MCF2L: variants seen among roughly 807,000 people sequenced by gnomAD.
MCF2L encodes MCF.2 cell line derived transforming sequence like, also known as guanine nucleotide exchange factor DBS.
In MCF2L, 97 loss-of-function variants were observed where a neutral mutation model predicts 153.4. That is an observed-to-expected ratio of 0.63 (90% CI 0.54 to 0.75). The LOEUF (loss-of-function observed/expected upper bound fraction) is 0.75, where lower values mean the gene tolerates loss of function less well. Among genes scored for constraint, MCF2L ranks in the 30% least tolerant of loss-of-function variants. The probability of loss-of-function intolerance (pLI) is 0.00; values close to 1 mark genes in which losing one functional copy is unlikely to be tolerated. For missense variants in MCF2L, 1,347 were observed against 1,495.2 expected, an observed-to-expected ratio of 0.90 and a Z score of 1.64; for synonymous variants, 659 against 632.2, an observed-to-expected ratio of 1.04 and a Z score of -0.64.
At chr13:112,916,481 G>A (rs576278672) in intron 2 of MCF2L, among the ~76,000 whole-genome samples, 24 of 152,204 alleles carry the variant, frequency 1.6e-4, no homozygotes, top group South Asian at 4.2e-4. Context: ...CCGCACGTCC[G>A]CGCTCTCGCG....
At chr13:112,990,946 C>A (rs905697805) in intron 1 of MCF2L, among the ~76,000 whole-genome samples, 1 of 152,264 alleles carries the variant, frequency 6.6e-6, no homozygotes, top group Non-Finnish European at 1.5e-5. Flanking sequence ...CCTGAGCCAC[C>A]ACCCTGCAGC....
upstream of MCF2L, chr13:112,968,842 G>A (rs531546628): frequency 2.0e-5 from 24 of 1,195,938 alleles, no homozygotes; most frequent in African/African-American, 1.8e-4. Flanking sequence ...AAGGGCGGGG[G>A]CACTTGTGCG....
chr13:112,972,881 G>A, intron 1 of MCF2L, among the ~76,000 whole-genome samples: 1 of 68,628 alleles, frequency 1.5e-5, no homozygotes, highest in Non-Finnish European at 3.3e-5. Flanking sequence ...GCTGTGTGCT[G>A]CCTCCTGTCC....
chr13:112,939,524 A>G (rs577928594), intron 2 of MCF2L, among the ~76,000 whole-genome samples: 19 of 152,154 alleles, frequency 1.2e-4, no homozygotes, highest in Non-Finnish European at 2.5e-4. Flanking sequence ...CATACTCTCC[A>G]GGGATGTCTT....
At chr13:112,954,633 G>A (rs979413365) in intron 2 of MCF2L, among the ~76,000 whole-genome samples, 1 of 152,128 alleles carries the variant, frequency 6.6e-6, no homozygotes, top group South Asian at 2.1e-4. Flanking sequence ...ACTGGCTCCC[G>A]AGGGGGCATG....
rs2086787183 is a variant in MCF2L, at chr13:113,045,974, C to G, written c.369+613C>G. The stretch of plus-strand genomic sequence containing the variant: ...CGCCTCCCTTCCCCAGTAACCCAGC[C>G]TCGCATGTAGCCACCCTCCTTTCCA... On this transcript the variant is annotated intron_variant, in intron 4 of 29. Coordinates refer to ENST00000535094, the MANE Select transcript of MCF2L (RefSeq NM_001112732.3). The surrounding 1 kb of genome is among the most constrained non-coding windows in gnomAD (Gnocchi z 4.2). 1 of 156,956 alleles carries G rather than the reference C, an allele frequency of 6.4e-6. No individual in the cohort carries two copies. Among genetic ancestry groups the G allele is most frequent in the African/African-American group, 2.4e-5 (1 of 41,468 alleles). 9.7% of individuals were successfully genotyped at this position (156,956 alleles called of 1,614,324 possible).
rs947563962 is a variant in MCF2L, at chr13:113,066,278, G to A, written c.881+108G>A. On this transcript the variant is annotated intron_variant, in intron 8 of 29. Transcript: ENST00000535094. ...ACAGGCCACGGAAATAGCAAGCAGC[G>A]TGGCAGGCAACCCCACTCCTGGCCA... 2.5e-5 allele frequency: 34 copies of A among 1,352,282 alleles called. No homozygotes were observed. In the Admixed American group the frequency reaches 3.0e-4, roughly 12 times the overall value. The allele number at this position is 1,352,282 out of a possible 1,614,324, so 83.8% of individuals were successfully genotyped here. A position where few individuals can be genotyped will look rare whatever the true frequency, so the allele number is the denominator to read the frequency against.
intron 21 of MCF2L, 49 bp from the exon 22 acceptor site, chr13:113,087,186 G>T (rs1230957608): frequency 6.6e-7 from 1 of 1,513,710 alleles, no homozygotes; most frequent in Admixed American, 1.8e-5. Flanking sequence ...CGCGTCCATG[G>T]CCCCAGGCCC....
chr13:113,061,730 C>G (rs1166968077), intron 5 of MCF2L, among the ~76,000 whole-genome samples: 1 of 72,614 alleles, frequency 1.4e-5, no homozygotes, highest in Non-Finnish European at 2.9e-5. Context: ...CCCTTGCCCT[C>G]CCCTCCCTCT....
chr13:113,022,862 T>A (rs573199352), intron 2 of MCF2L, among the ~76,000 whole-genome samples: 1 of 152,002 alleles, frequency 6.6e-6, no homozygotes, highest in African/African-American at 2.4e-5. Context: ...CATTGGGATC[T>A]GAGGAATTTT....
intron 1 of MCF2L, among the ~76,000 whole-genome samples, chr13:112,990,862 G>T (rs2082869214): frequency 6.6e-6 from 1 of 151,894 alleles, no homozygotes; most frequent in Non-Finnish European, 1.5e-5. Context: ...GGGGTAAGGA[G>T]AACTGGCGTG....
chr13:112,924,753 C>A (rs1409572386), intron 2 of MCF2L, among the ~76,000 whole-genome samples: 2 of 152,192 alleles, frequency 1.3e-5, no homozygotes, highest in African/African-American at 4.8e-5. Context: ...ATAAAACCCA[C>A]TTAGAGAAAC....
intron 1 of MCF2L, among the ~76,000 whole-genome samples, chr13:113,012,113 A>AC (rs1380563526): frequency 9.7e-6 from 1 of 103,384 alleles, no homozygotes; most frequent in African/African-American, 3.4e-5. Flanking sequence ...GATGGTGGAC[A>AC]GGTGGTGTGG....
chr13:112,979,746 C>T (rs746924745), intron 1 of MCF2L: 38 of 1,611,500 alleles, frequency 2.4e-5, no homozygotes, highest in Admixed American at 6.7e-5. Flanking sequence ...AACTGCAGGG[C>T]GCTCGAGGCC....
At chr13:112,900,076 C>T (rs2081105843) in intron 1 of MCF2L, among the ~76,000 whole-genome samples, 2 of 152,164 alleles carry the variant, frequency 1.3e-5, no homozygotes, top group African/African-American at 4.8e-5. Context: ...TTTCATTTTC[C>T]CTTTTGGAGG....
intron 1 of MCF2L, among the ~76,000 whole-genome samples, chr13:112,988,888 G>A (rs112208442): frequency 3.2e-4 from 30 of 94,366 alleles, no homozygotes; most frequent in African/African-American, 1.0e-3. Context: ...TACCACGCCC[G>A]AGTCCTCCCT....
intron 4 of MCF2L, among the ~76,000 whole-genome samples, chr13:113,055,498 G>A (rs901449465): frequency 2.1e-5 from 3 of 145,010 alleles, no homozygotes; most frequent in Admixed American, 7.0e-5. Context: ...AGATCCAGGT[G>A]ATAAAAACGA....
intron 1 of MCF2L, among the ~76,000 whole-genome samples, chr13:113,010,924 T>C (rs1030756602): frequency 6.6e-6 from 1 of 152,244 alleles, no homozygotes; most frequent in Admixed American, 6.5e-5. Context: ...TGGCCACTAT[T>C]GTTCCTCCGT....
At chr13:112,899,213 A>G (rs2081097378) in intron 1 of MCF2L, among the ~76,000 whole-genome samples, 1 of 152,010 alleles carries the variant, frequency 6.6e-6, no homozygotes, top group African/African-American at 2.4e-5. Flanking sequence ...GCATCTGTAG[A>G]CAGATTTAAT....
Sources: allele counts gnomAD v4.1 joint callset (sites outside exome capture counted in the v4.1 genomes callset), GRCh38; gene constraint gnomAD v4.1.1; non-coding constraint Gnocchi (gnomAD v3.1); transcripts MANE v1.5; gene names NCBI Gene and HGNC (gene_info 2026-07-23, HGNC 2026-07-21).